The following TMEM150C variants were observed in gnomAD, a reference collection of about 807,000 sequenced individuals.
TMEM150C encodes transmembrane protein 150C, also known as tentonin 3.
Under a neutral mutation model 29.9 loss-of-function variants are expected in TMEM150C, and 10 were observed. The ratio of observed to expected loss-of-function variants is 0.33; its 90% CI spans 0.21 to 0.57. TMEM150C has a LOEUF of 0.57. Among genes scored for constraint, TMEM150C ranks in the 20% least tolerant of loss-of-function variants. The probability of loss-of-function intolerance (pLI) is 0.88; values close to 1 mark genes in which losing one functional copy is unlikely to be tolerated. For synonymous variants in TMEM150C, 101 were observed against 112.5 expected (o/e 0.90, Z 0.64); for missense variants, 251 against 303.6 (o/e 0.83, Z 1.29).
chr4:82,486,727 G>A (rs550844723), intron 7 of TMEM150C, among the ~76,000 whole-genome samples: 139 of 152,088 alleles, frequency 9.1e-4, no homozygotes, highest in Non-Finnish European at 1.4e-3. Flanking sequence ...TCTAGCTAGG[G>A]TGACGGCAAG....
At chr4:82,548,630 C>T (rs1725461114) in intron 1 of TMEM150C, among the ~76,000 whole-genome samples, 1 of 152,120 alleles carries the variant, frequency 6.6e-6, no homozygotes, top group Non-Finnish European at 1.5e-5. Context: ...GACACAGTCC[C>T]ACTCCCATGC....
chr4:82,487,259 G>A (rs902570972), intron 7 of TMEM150C, among the ~76,000 whole-genome samples: 13 of 152,104 alleles, frequency 8.5e-5, no homozygotes, highest in Non-Finnish European at 1.6e-4. Flanking sequence ...GACCAGCCTG[G>A]GCAACATGGC....
intron 1 of TMEM150C, among the ~76,000 whole-genome samples, chr4:82,550,887 G>C (rs1160825547): frequency 6.6e-6 from 1 of 152,176 alleles, no homozygotes; most frequent in Non-Finnish European, 1.5e-5. Flanking sequence ...TGGGATAGTG[G>C]GGTTAAGATT....
At chr4:82,540,661 C>A (rs1018893071) in intron 1 of TMEM150C, among the ~76,000 whole-genome samples, 2 of 152,034 alleles carry the variant, frequency 1.3e-5, no homozygotes, top group African/African-American at 4.8e-5. Context: ...TATTTTTATC[C>A]TGACACAAAG....
At chr4:82,524,371 T>G (rs755962956) in intron 1 of TMEM150C, among the ~76,000 whole-genome samples, 2 of 152,242 alleles carry the variant, frequency 1.3e-5, no homozygotes, top group Non-Finnish European at 2.9e-5. Context: ...TCCAAAAACA[T>G]TCATTGTACA....
chr4:82,549,645 T>C (rs140979861), intron 1 of TMEM150C, among the ~76,000 whole-genome samples: 13 of 152,336 alleles, frequency 8.5e-5, no homozygotes, highest in Admixed American at 2.6e-4. Context: ...ATTAAACATG[T>C]AAGTAATTAA....
At chr4:82,507,227 T>C (rs2110071485) in intron 1 of TMEM150C, among the ~76,000 whole-genome samples, 1 of 152,332 alleles carries the variant, frequency 6.6e-6, no homozygotes, top group East Asian at 1.9e-4. Flanking sequence ...TAACTATTGT[T>C]ACAACAGATT....
At chr4:82,508,105 C>A (rs1308569783) in intron 1 of TMEM150C, among the ~76,000 whole-genome samples, 2 of 152,210 alleles carry the variant, frequency 1.3e-5, no homozygotes, top group African/African-American at 4.8e-5. Context: ...CTTCCAGACA[C>A]CATGAAAATA....
At chr4:82,489,036 C>T (rs1056030920) in intron 7 of TMEM150C, among the ~76,000 whole-genome samples, 12 of 151,420 alleles carry the variant, frequency 7.9e-5, no homozygotes, top group Non-Finnish European at 1.3e-4. Flanking sequence ...TACAGGTGCT[C>T]GCCACAACAC....
intron 1 of TMEM150C, among the ~76,000 whole-genome samples, chr4:82,530,031 G>A (rs1470907259): frequency 6.6e-6 from 1 of 151,778 alleles, no homozygotes; most frequent in Non-Finnish European, 1.5e-5. Context: ...AGGAGGGGAG[G>A]GCTGAGACAC....
intron 1 of TMEM150C, among the ~76,000 whole-genome samples, chr4:82,509,943 A>G (rs966635637): frequency 1.3e-5 from 2 of 152,234 alleles, no homozygotes; most frequent in Non-Finnish European, 1.5e-5. Context: ...ACCATTACCC[A>G]TGCTAATCCT....
At chr4:82,536,739 G>A (rs575045918) in intron 1 of TMEM150C, among the ~76,000 whole-genome samples, 1 of 152,120 alleles carries the variant, frequency 6.6e-6, no homozygotes, top group East Asian at 1.9e-4. Flanking sequence ...ATATTGATAT[G>A]TTTGACCACA....
intron 1 of TMEM150C, among the ~76,000 whole-genome samples, chr4:82,504,998 C>G (rs905478283): frequency 1.3e-5 from 2 of 152,122 alleles, no homozygotes; most frequent in African/African-American, 4.8e-5. Context: ...CCACTGTACT[C>G]CAGCCTGGGC....
At chr4:82,504,048 ATT>A (rs1723820676) in intron 2 of TMEM150C, among the ~76,000 whole-genome samples, 16 of 152,236 alleles carry the variant, frequency 1.1e-4, no homozygotes, top group Admixed American at 5.2e-4. Flanking sequence ...ATAAACTAGT[ATT>A]CTTCACCACC....
intron 1 of TMEM150C, among the ~76,000 whole-genome samples, chr4:82,507,727 C>CTTTTTTTTTTTTTTTTTTTTTTT (rs869112887): frequency 2.9e-4 from 6 of 20,588 alleles, no homozygotes; most frequent in Non-Finnish European, 4.4e-4. Context: ...CTCTCTCTCT[C>CTTTTTTTTTTTTTTTTTTTTTTT]TTTTTTTTTT....
At chr4:82,499,026 CA>C (rs1176486701) in intron 5 of TMEM150C, among the ~76,000 whole-genome samples, 1 of 152,254 alleles carries the variant, frequency 6.6e-6, no homozygotes, top group African/African-American at 2.4e-5. Context: ...TTAATCAGAT[CA>C]GGGGAGGCAT....
At chr4:82,522,841 A>G (rs1053210961) in intron 1 of TMEM150C, among the ~76,000 whole-genome samples, 1 of 152,170 alleles carries the variant, frequency 6.6e-6, no homozygotes, top group Non-Finnish European at 1.5e-5. Context: ...GGCTAAACCA[A>G]CCTAACGGGA....
chr4:82,490,754 G>T (rs1969302), intron 6 of TMEM150C: 351,005 of 374,412 alleles, frequency 0.94, 164,743 homozygotes, highest in East Asian at 1. Context: ...TGGCTAATTT[G>T]TTTGTTTTGA....
intron 1 of TMEM150C, among the ~76,000 whole-genome samples, chr4:82,522,079 CTT>C (rs1047410452): frequency 6.6e-6 from 1 of 152,084 alleles, no homozygotes; most frequent in African/African-American, 2.4e-5. Flanking sequence ...AAAATTTACT[CTT>C]TGTTTGCTCT....
Sources: gnomAD v4.1 joint callset for allele counts (sites outside exome capture counted in the v4.1 genomes callset) on GRCh38, gnomAD v4.1.1 for gene constraint, MANE v1.5 for transcripts, NCBI Gene and HGNC (gene_info 2026-07-23, HGNC 2026-07-21) for gene names.